Variants in ENTPD6 observed in about 807,000 individuals in gnomAD.
ENTPD6 encodes the protein CD39 antigen-like 2.
A neutral mutation model predicts 61.5 loss-of-function variants in ENTPD6; 46 were observed. The ratio of observed to expected loss-of-function variants is 0.75; its 90% CI spans 0.59 to 0.96. The LOEUF (loss-of-function observed/expected upper bound fraction) is 0.96, where lower values mean the gene tolerates loss of function less well. ENTPD6 is among the 40% of genes least tolerant of loss of function. The pLI is 0.00. For missense variants in ENTPD6, 612 were observed against 629.0 expected (o/e 0.97, Z 0.29); for synonymous variants, 252 against 255.5 (o/e 0.99, Z 0.13).
In ENTPD6 at chr20:25,215,727, A is replaced by T. The variant is rs760819219; in HGVS notation, c.709+16A>T. On this transcript the variant is annotated intron_variant, in intron 7 of 14. Transcript: ENST00000376652. ...TTCCTGACAGGTGTGTGCACACTGC[A>T]TCACAGAGGCTAGCCGATCACAGAC... 3 of 1,613,932 alleles carry T rather than the reference A, an allele frequency of 1.9e-6. No homozygotes were observed. Among genetic ancestry groups the T allele is most frequent in the Non-Finnish European group, 2.5e-6 (3 of 1,179,904 alleles).
At chr20:25,195,972 C>A in intron 1 of ENTPD6, 105 bp downstream of exon 1, 1 of 975,204 alleles carries the variant, frequency 1.0e-6, no homozygotes, top group Non-Finnish European at 1.3e-6. Context: ...GCCTCGGGGT[C>A]ACTCGCACCC....
intron 11 of ENTPD6, chr20:25,222,395 CTGTTCT>C (rs2092666569): frequency 6.1e-6 from 1 of 164,742 alleles, no homozygotes; most frequent in Non-Finnish European, 1.3e-5. Context: ...TCCTCTGTTC[CTGTTCT>C]CCCTCAAGCC....
Position 25,225,800 on chromosome 20 carries a change from C to T in ENTPD6, c.*203C>T, listed in dbSNP as rs553434656. 1.3e-4 allele frequency: 71 copies of T among 554,536 alleles called. No individual in the cohort carries two copies. Among genetic ancestry groups the T allele is most frequent in the Non-Finnish European group, 1.9e-4 (61 of 312,940 alleles). 34.4% of individuals were successfully genotyped at this position (554,536 alleles called of 1,614,324 possible). A position where few individuals can be genotyped will look rare whatever the true frequency, so the allele number is the denominator to read the frequency against. On this transcript the variant is annotated 3_prime_UTR_variant, in exon 15 of 15. Transcript: ENST00000376652. ...CATCTGGCCAGAGGGCTGTCTGGACCTGGGCCCTGCTCAATGCCACCTGTC... is the reference window on the plus strand; with the variant it reads ...CATCTGGCCAGAGGGCTGTCTGGACTTGGGCCCTGCTCAATGCCACCTGTC...
rs1600451027 is a variant in ENTPD6 at position 25,196,122 on chromosome 20, G to C, written c.-16+255G>C. On this transcript the variant is annotated intron_variant, in intron 1 of 14. Coordinates refer to ENST00000376652, the MANE Select transcript of ENTPD6 (RefSeq NM_001247.5). ...AATAGCAGGGGCCTGTAGCCCCAGGGGGCCCCAGCCCTGCTGCGTTCATTC... is the reference window on the plus strand; with the variant it reads ...AATAGCAGGGGCCTGTAGCCCCAGGCGGCCCCAGCCCTGCTGCGTTCATTC... 3 of 1,206,130 alleles carry C rather than the reference G, an allele frequency of 2.5e-6. No individual in the cohort carries two copies. In the African/African-American group the frequency reaches 4.7e-5, roughly 19 times the overall value. 74.7% of individuals were successfully genotyped at this position (1,206,130 alleles called of 1,614,324 possible). A position where few individuals can be genotyped will look rare whatever the true frequency, so the allele number is the denominator to read the frequency against.
chr20:25,209,345 C>T (rs992964505), intron 3 of ENTPD6, among the ~76,000 whole-genome samples: 4 of 151,692 alleles, frequency 2.6e-5, no homozygotes, highest in African/African-American at 4.8e-5. Flanking sequence ...CTCCTGACCT[C>T]GTGATCTGCT....
chr20:25,199,119 G>A (rs2090807470), intron 1 of ENTPD6, among the ~76,000 whole-genome samples: 1 of 152,150 alleles, frequency 6.6e-6, no homozygotes, highest in Non-Finnish European at 1.5e-5. Context: ...TTTGTGTTGG[G>A]TGCTGGAGGT....
chr20:25,199,026 C>T (rs902793577), intron 1 of ENTPD6, among the ~76,000 whole-genome samples: 4 of 152,206 alleles, frequency 2.6e-5, no homozygotes, highest in Non-Finnish European at 4.4e-5. Flanking sequence ...CCTCCTACTG[C>T]CCGTTTTCCC....
intron 12 of ENTPD6, 154 bp from the exon 13 acceptor site, chr20:25,223,947 G>A (rs142619924): frequency 1.8e-5 from 11 of 605,914 alleles, no homozygotes; most frequent in African/African-American, 1.7e-4. Flanking sequence ...CGTCCTCAGA[G>A]CACGTGAGTG....
At chr20:25,200,133 C>T (rs2090916716) in intron 1 of ENTPD6, among the ~76,000 whole-genome samples, 1 of 152,228 alleles carries the variant, frequency 6.6e-6, no homozygotes, top group Non-Finnish European at 1.5e-5. Context: ...CTCACTAATA[C>T]TTGTTATTTT....
chr20:25,216,560 C>T, intron 7 of ENTPD6, 88 bp from the exon 8 acceptor site: 1 of 909,910 alleles, frequency 1.1e-6, no homozygotes, highest in Non-Finnish European at 1.7e-6. Flanking sequence ...TTTTCTTTCC[C>T]CTGAGGGCCT....
rs6050423 is a variant in ENTPD6, at chr20:25,197,300, C to T, written c.-16+1433C>T. 108 of 933,008 alleles carry T rather than the reference C, an allele frequency of 1.2e-4. No homozygotes were observed. The African/African-American group carries it at 1.7e-3, about 14-fold the overall frequency. 57.8% of individuals were successfully genotyped at this position (933,008 alleles called of 1,614,324 possible). A position where few individuals can be genotyped will look rare whatever the true frequency, so the allele number is the denominator to read the frequency against. The stretch of plus-strand genomic sequence containing the variant: ...CCTACCACCAACAACACTGCTCTAC[C>T]CTCAGATTCTCTTCTCTGACTCCTG... On this transcript the variant is annotated intron_variant, in intron 1 of 14. Coordinates refer to ENST00000376652, the MANE Select transcript of ENTPD6 (RefSeq NM_001247.5).
At chr20:25,221,426 C>T (rs779013593) in intron 11 of ENTPD6, 93 bp downstream of exon 11, 72 of 934,426 alleles carry the variant, frequency 7.7e-5, no homozygotes, top group Non-Finnish European at 1.0e-4. Context: ...GGACGTTCCA[C>T]GGGAGGCTCC....
intron 3 of ENTPD6, among the ~76,000 whole-genome samples, chr20:25,208,037 C>T (rs767843580): frequency 2.6e-5 from 4 of 152,206 alleles, no homozygotes; most frequent in Non-Finnish European, 5.9e-5. Context: ...CCCTGAGGTT[C>T]GCCCTCCATG....
intron 1 of ENTPD6, among the ~76,000 whole-genome samples, chr20:25,206,310 G>C (rs1255663670): frequency 2.0e-5 from 3 of 152,232 alleles, no homozygotes; most frequent in Admixed American, 2.0e-4. Context: ...CCCAAGGTTG[G>C]GGGCCCTAGA....
intron 10 of ENTPD6, among the ~76,000 whole-genome samples, chr20:25,220,222 G>A (rs915027091): frequency 6.6e-6 from 1 of 152,182 alleles, no homozygotes; most frequent in South Asian, 2.1e-4. Context: ...CAGCAGTCGC[G>A]GCTGGAATCT....
At chr20:25,197,007 C>T (rs1600462002) in intron 1 of ENTPD6, 4 of 775,280 alleles carry the variant, frequency 5.2e-6, no homozygotes, top group East Asian at 2.6e-4. Flanking sequence ...TGTTGACGGG[C>T]GGTTCACGCA....
chr20:25,218,036 C>T lies in ENTPD6; in HGVS notation c.878+455C>T, dbSNP rs557493062. On this transcript the variant is annotated intron_variant, in intron 9 of 14. Coordinates refer to ENST00000376652, the MANE Select transcript of ENTPD6 (RefSeq NM_001247.5). ...CATCCTTTAATGTGTCTACAGTATA[C>T]GCACATTCACCCAGACCTCTCTCTC... Among the ~76,000 whole-genome samples, 72 of 146,740 alleles carry T rather than the reference C, an allele frequency of 4.9e-4. 1 individual carries two copies. In the South Asian group the frequency reaches 0.012, roughly 24 times the overall value.
intron 1 of ENTPD6, chr20:25,196,327 G>C (rs912590228): frequency 1.4e-6 from 1 of 726,684 alleles, no homozygotes; most frequent in South Asian, 6.2e-5. Flanking sequence ...GGTGTCCCGA[G>C]GAGCTCATAG....
chr20:25,206,411 A>G (rs950718453), intron 1 of ENTPD6, 111 bp from the exon 2 acceptor site: 13 of 786,078 alleles, frequency 1.7e-5, no homozygotes, highest in Non-Finnish European at 2.6e-5. Context: ...AAATGCTTTC[A>G]TTTTGGGTAT....
Sources: allele counts gnomAD v4.1 joint callset (sites outside exome capture counted in the v4.1 genomes callset), GRCh38; gene constraint gnomAD v4.1.1; transcripts MANE v1.5; gene names NCBI Gene and HGNC (gene_info 2026-07-23, HGNC 2026-07-21).